The following SH3GLB2 variants were observed in gnomAD, a reference collection of about 807,000 sequenced individuals.
SH3GLB2 encodes the protein endophilin-B2.
SH3GLB2 carries 24 observed loss-of-function variants against 48.0 expected under a neutral mutation model. The observed-to-expected ratio is 0.50, with a 90% confidence interval of 0.36 to 0.70. The LOEUF is 0.70. SH3GLB2 is among the 30% of genes least tolerant of loss of function. The pLI is 0.00. For missense variants in SH3GLB2, 425 were observed against 516.0 expected (o/e 0.82, Z 1.71); for synonymous variants, 227 against 207.6 (o/e 1.09, Z -0.80).
intron 6 of SH3GLB2, 29 bp from the exon 7 acceptor site, chr9:129,010,722 C>G: frequency 6.2e-7 from 1 of 1,613,748 alleles, no homozygotes; most frequent in Non-Finnish European, 8.5e-7. Context: ...GAGTGGCCAG[C>G]AGGGGAGGGG....
chr9:129,023,067 A>G (rs1843912861), intron 1 of SH3GLB2, among the ~76,000 whole-genome samples: 1 of 152,200 alleles, frequency 6.6e-6, no homozygotes, highest in South Asian at 2.1e-4. Flanking sequence ...ATGAAAGAGG[A>G]AAGATGTGGG....
chr9:129,023,102 A>G (rs1843916803), intron 1 of SH3GLB2, among the ~76,000 whole-genome samples: 1 of 152,208 alleles, frequency 6.6e-6, no homozygotes, highest in South Asian at 2.1e-4. Flanking sequence ...TGGGTCGGCT[A>G]CAGTGCTGCT....
intron 5 of SH3GLB2, 85 bp from the exon 6 acceptor site, chr9:129,012,383 G>C (rs562229250): frequency 4.7e-6 from 4 of 860,166 alleles, no homozygotes; most frequent in Admixed American, 4.3e-5. Context: ...CCAGAGTCTT[G>C]CACAAGGAGA....
In SH3GLB2 at chr9:129,014,653, C is replaced by T; in HGVS notation, c.468+118G>A. On this transcript the variant is annotated intron_variant, in intron 4 of 10. Coordinates refer to ENST00000372564, the MANE Select transcript of SH3GLB2 (RefSeq NM_020145.4). The surrounding 1 kb of genome is among the most constrained non-coding windows in gnomAD (Gnocchi z 4.1). The stretch of plus-strand genomic sequence containing the variant: ...AGGTCACTCAGTCCAAAGGAGCCCT[C>T]TCTGGGGAGGCCTCAGGAGTTTTGT... The T allele has an allele frequency of 6.6e-7, 1 of 1,522,000 alleles. No homozygotes were observed. Among genetic ancestry groups the T allele is most frequent in the Non-Finnish European group, 8.9e-7 (1 of 1,118,884 alleles). 94.3% of individuals were successfully genotyped at this position (1,522,000 alleles called of 1,614,324 possible).
intron 3 of SH3GLB2, among the ~76,000 whole-genome samples, 172 bp downstream of exon 3, chr9:129,020,919 T>G (rs1346772188): frequency 6.6e-6 from 1 of 152,058 alleles, no homozygotes; most frequent in Non-Finnish European, 1.5e-5. Flanking sequence ...CAAAACTGGT[T>G]AAGAGAAGAT....
intron 10 of SH3GLB2, 107 bp from the exon 11 acceptor site, chr9:129,008,898 C>A: frequency 7.7e-7 from 1 of 1,291,144 alleles, no homozygotes; most frequent in South Asian, 1.3e-5. Flanking sequence ...GTGGCATGTG[C>A]TACACCTTCA....
chr9:129,028,288 GC>G lies in SH3GLB2; in HGVS notation c.-135del. On this transcript the variant is annotated 5_prime_UTR_variant, in exon 1 of 11. Transcript: ENST00000372564. ...CGCGCACCCGCCTGCCGGCCTGCCC[GC>G]CTGCCCGCCCGCCGCAGCCGCCGAG... 1 of 487,388 alleles carries G rather than the reference GC, an allele frequency of 2.1e-6. No individual in the cohort carries two copies. Among genetic ancestry groups the G allele is most frequent in the Non-Finnish European group, 2.7e-6 (1 of 377,024 alleles). 30.2% of individuals were successfully genotyped at this position (487,388 alleles called of 1,614,324 possible).
chr9:129,021,069 C>T, intron 3 of SH3GLB2, 22 bp downstream of exon 3: 2 of 1,562,110 alleles, frequency 1.3e-6, no homozygotes, highest in Non-Finnish European at 1.7e-6. Flanking sequence ...ACCCCTAGTC[C>T]CTGGCTGTGA....
intron 9 of SH3GLB2, 70 bp downstream of exon 9, chr9:129,009,701 C>A: frequency 6.8e-7 from 1 of 1,470,588 alleles, no homozygotes. Context: ...CCCAGAGGAG[C>A]TCATGCTGCC....
chr9:129,027,634 G>A (rs1844237913), intron 1 of SH3GLB2, among the ~76,000 whole-genome samples: 2 of 152,222 alleles, frequency 1.3e-5, no homozygotes, highest in African/African-American at 4.8e-5. Flanking sequence ...ATGGCCATGA[G>A]GGACTCATGG....
At chr9:129,024,060 T>C (rs774428396) in intron 1 of SH3GLB2, among the ~76,000 whole-genome samples, 1 of 152,196 alleles carries the variant, frequency 6.6e-6, no homozygotes, top group East Asian at 1.9e-4. Flanking sequence ...ATCTAGTTCA[T>C]TGGCTATTTG....
chr9:129,014,362 T>A lies in SH3GLB2; in HGVS notation c.561+49A>T, dbSNP rs1469507563. Reference sequence around the variant, plus strand: ...TCCCTTCATGCCACCACCCCTTGGCTCCAGCCAGAGCCTGGGCCAGGAGGC... The same window carrying A: ...TCCCTTCATGCCACCACCCCTTGGCACCAGCCAGAGCCTGGGCCAGGAGGC... On this transcript the variant is annotated intron_variant, in intron 5 of 10. Transcript: ENST00000372564. This position sits in a 1 kb window ranked among gnomAD's most constrained non-coding sequence, Gnocchi z 4.1. 2.6e-6 allele frequency: 4 copies of A among 1,522,662 alleles called. No homozygotes were observed. Among genetic ancestry groups the A allele is most frequent in the Non-Finnish European group, 3.6e-6 (4 of 1,124,552 alleles). The allele number at this position is 1,522,662 out of a possible 1,614,324, so 94.3% of individuals were successfully genotyped here.
rs1364172442 is a variant in SH3GLB2 at position 129,014,520 on chromosome 9, G to A, written c.469-17C>T. On this transcript the variant is annotated splice_polypyrimidine_tract_variant and intron_variant, in intron 4 of 10. Coordinates refer to ENST00000372564, the MANE Select transcript of SH3GLB2 (RefSeq NM_020145.4). The surrounding 1 kb of genome is among the most constrained non-coding windows in gnomAD (Gnocchi z 4.1). ...CCTCTCCTTCTACAGGGCAGGGCAT[G>A]GGGACAGTGAGACCCTGGGCTGCCC... is the stretch of plus-strand genomic sequence containing the variant. 1 of 1,551,472 alleles carries A rather than the reference G, an allele frequency of 6.4e-7. No individual in the cohort carries two copies. The highest frequency in any genetic ancestry group is 1.4e-5 in the African/African-American group (1 of 73,182).
At chr9:129,015,267 C>A (rs186818225) in intron 3 of SH3GLB2, among the ~76,000 whole-genome samples, 2 of 152,092 alleles carry the variant, frequency 1.3e-5, no homozygotes, top group Non-Finnish European at 2.9e-5. Context: ...GAGGCCGAGA[C>A]GGGAGGATCA....
chr9:129,025,745 T>C (rs933227843), intron 1 of SH3GLB2, among the ~76,000 whole-genome samples: 2 of 151,590 alleles, frequency 1.3e-5, no homozygotes, highest in African/African-American at 4.8e-5. Flanking sequence ...CTCCCCTCCT[T>C]ACCAAGGTTC....
chr9:129,012,723 C>T (rs773030030), intron 5 of SH3GLB2: 2 of 535,230 alleles, frequency 3.7e-6, no homozygotes, highest in Non-Finnish European at 6.6e-6. Context: ...CACCACATCT[C>T]TTGCTCCTGC....
intron 7 of SH3GLB2, 139 bp from the exon 8 acceptor site, chr9:129,010,348 C>T: frequency 4.1e-6 from 3 of 723,508 alleles, no homozygotes; most frequent in Admixed American, 2.6e-5. Context: ...TGCCTGACTT[C>T]ACACCTGGAG....
chr9:129,022,480 GGA>G, intron 1 of SH3GLB2, 57 bp from the exon 2 acceptor site: 2 of 1,489,542 alleles, frequency 1.3e-6, no homozygotes, highest in Non-Finnish European at 1.8e-6. Flanking sequence ...AGGAGGTGGG[GGA>G]GTGGTGGGGA....
In SH3GLB2 at chr9:129,009,198, C is replaced by T. The variant is rs773319993; in HGVS notation, c.988G>A (p.Val330Met). 3.7e-6 allele frequency: 6 copies of T among 1,610,830 alleles called. No homozygotes were observed. The African/African-American group carries it at 4.0e-5, about 11-fold the overall frequency. ...PGEASLCLEE[V>M]APPASGTRKA... ...CGGGTCCCACTGGCAGGGGGGGCCA[C>T]CTCTTCCAGGCAGAGCGAGGCCTCC... The change falls in exon 10 of 11, where the codon GTG (valine) becomes ATG (methionine). Residue 330 changes from valine to methionine, a missense_variant. Physicochemically the swap from Val to Met is conservative, Grantham distance 21 (BLOSUM62 1). Coordinates refer to ENST00000372564, the MANE Select transcript of SH3GLB2 (RefSeq NM_020145.4).
Sources: gnomAD v4.1 joint callset for allele counts (sites outside exome capture counted in the v4.1 genomes callset) on GRCh38, gnomAD v4.1.1 for gene constraint, Gnocchi (gnomAD v3.1) non-coding constraint, MANE v1.5 for transcripts, NCBI Gene and HGNC (gene_info 2026-07-23, HGNC 2026-07-21) for gene names.